NLRP1: variants seen among roughly 807,000 people sequenced by gnomAD.
NLRP1 encodes the protein NLR family pyrin domain containing 1.
NLRP1 carries 94 observed loss-of-function variants against 136.7 expected under a neutral mutation model. The observed-to-expected ratio is 0.69, with a 90% CI of 0.58 to 0.82. The LOEUF is 0.82. Among genes scored for constraint, NLRP1 ranks in the 40% least tolerant of loss-of-function variants. The pLI, the probability that NLRP1 is intolerant of heterozygous loss-of-function variation, is 0.00. For synonymous variants in NLRP1, 690 were observed against 725.1 expected, an observed-to-expected ratio of 0.95 and a Z score of 0.78; for missense variants, 1,575 against 1,802.7, an observed-to-expected ratio of 0.87 and a Z score of 2.29.
At chr17:5,543,044 G>A (rs1383729756) in intron 5 of NLRP1, among the ~76,000 whole-genome samples, 4 of 152,174 alleles carry the variant, frequency 2.6e-5, no homozygotes, top group Non-Finnish European at 5.9e-5. Context: ...TGGCCAGGCT[G>A]GTCTTCAACC....
intron 3 of NLRP1, among the ~76,000 whole-genome samples, chr17:5,572,347 C>T (rs1230003907): frequency 6.6e-6 from 1 of 152,066 alleles, no homozygotes; most frequent in South Asian, 2.1e-4. Context: ...TGCAAACTAC[C>T]CATCTGACAA....
At chr17:5,569,463 G>A (rs1277517415) in intron 3 of NLRP1, among the ~76,000 whole-genome samples, 6 of 152,016 alleles carry the variant, frequency 3.9e-5, no homozygotes, top group Admixed American at 1.3e-4. Flanking sequence ...ACAAAAGCAC[G>A]GATTGCCATT....
Position 5,541,362 on chromosome 17 carries a change from C to CG in NLRP1, c.2699+494dup, listed in dbSNP as rs1030277245. Reference sequence around the variant, plus strand: ...CGCCTCACTTGTTTCTACATGGTGGCGGGGGGGATGGCTCTGTCCCCTCGG... The same window carrying CG: ...CGCCTCACTTGTTTCTACATGGTGGCGGGGGGGGATGGCTCTGTCCCCTCGG... On this transcript the variant is annotated intron_variant, in intron 6 of 16. Transcript: ENST00000572272. The surrounding 1 kb of genome is among the most constrained non-coding windows in gnomAD (Gnocchi z 4.2). Among the ~76,000 whole-genome samples, 4 of 151,956 alleles carry CG rather than the reference C, an allele frequency of 2.6e-5. No individual in the cohort carries two copies. Among genetic ancestry groups the CG allele is most frequent in the East Asian group, 1.9e-4 (1 of 5,168 alleles).
intron 5 of NLRP1, among the ~76,000 whole-genome samples, chr17:5,548,296 CTA>C (rs1434106844): frequency 1.3e-5 from 2 of 152,168 alleles, no homozygotes; most frequent in East Asian, 3.9e-4. Flanking sequence ...AGAGTGAAAC[CTA>C]TGTTCCTACC....
At chr17:5,517,957 T>G in intron 14 of NLRP1, 70 bp from the exon 15 acceptor site, 1 of 1,516,688 alleles carries the variant, frequency 6.6e-7, no homozygotes, top group Admixed American at 1.7e-5. Context: ...ACCTGACACC[T>G]TCTTGGCCCT....
chr17:5,542,048 TG>T, intron 5 of NLRP1, 21 bp from the exon 6 acceptor site: 1 of 1,607,212 alleles, frequency 6.2e-7, no homozygotes, highest in Non-Finnish European at 8.5e-7. Flanking sequence ...CACACACCCA[TG>T]GTCTTCAGGT....
chr17:5,553,338 G>A (rs558466606), intron 5 of NLRP1, 48 bp downstream of exon 5: 2 of 1,529,920 alleles, frequency 1.3e-6, no homozygotes, highest in East Asian at 2.3e-5. Context: ...TTCTGCCTTG[G>A]ATCTCTTCCC....
intron 11 of NLRP1, among the ~76,000 whole-genome samples, chr17:5,531,974 G>A (rs1308450382): frequency 6.6e-6 from 1 of 152,190 alleles, no homozygotes; most frequent in Non-Finnish European, 1.5e-5. Flanking sequence ...CAGGCGCGGT[G>A]GCTCACGCCT....
intron 5 of NLRP1, among the ~76,000 whole-genome samples, chr17:5,552,281 T>C (rs1913471956): frequency 6.6e-6 from 1 of 152,158 alleles, no homozygotes; most frequent in Admixed American, 6.5e-5. Context: ...TGTTTTTAAA[T>C]TTCAGTGTAT....
chr17:5,534,566 A>G (rs1910775697), intron 8 of NLRP1, among the ~76,000 whole-genome samples: 1 of 151,788 alleles, frequency 6.6e-6, no homozygotes, highest in African/African-American at 2.4e-5. Context: ...TCTTCTTTCT[A>G]TTGTCTTCTC....
At chr17:5,553,668 C>T (rs1464637972) in intron 4 of NLRP1, 112 bp from the exon 5 acceptor site, 24 of 930,310 alleles carry the variant, frequency 2.6e-5, no homozygotes, top group Non-Finnish European at 3.1e-5. Context: ...CAGGCCACAG[C>T]GGGTAGTGCC....
At chr17:5,517,963 G>A in intron 14 of NLRP1, 76 bp from the exon 15 acceptor site, 1 of 1,436,118 alleles carries the variant, frequency 7.0e-7, no homozygotes, top group East Asian at 2.3e-5. Flanking sequence ...CACCTTCTTG[G>A]CCCTGCTTGG....
intron 11 of NLRP1, among the ~76,000 whole-genome samples, chr17:5,531,759 T>C (rs903813835): frequency 6.6e-6 from 1 of 152,224 alleles, no homozygotes; most frequent in African/African-American, 2.4e-5. Context: ...GAATTACTAC[T>C]AGTGCGACTG....
In NLRP1 at chr17:5,533,900, A is replaced by T; in HGVS notation, c.3049T>A (p.Ser1017Thr). ...CAGCCTTGCCCCTTCAAACTACCTG[A>T]TCCGAGTCTCTGCCGCTTGAGTGAG... ...TSSLKRQRLG[S>T]ERAASHVAQA... Residue 1017 changes from serine (S) to threonine (T), a missense_variant, in exon 9 of 17, where the codon TCA (serine) becomes ACA (threonine). By Grantham distance (58) the Ser-to-Thr change is moderately conservative. Coordinates refer to ENST00000572272, the MANE Select transcript of NLRP1 (RefSeq NM_033004.4). 2 of 1,607,358 alleles carry T rather than the reference A, an allele frequency of 1.2e-6. No homozygotes were observed. Among genetic ancestry groups the T allele is most frequent in the Non-Finnish European group, 1.7e-6 (2 of 1,175,272 alleles).
chr17:5,517,594 G>C lies in NLRP1; in HGVS notation c.4057+152C>G. ...GTAGAGATGGGGTTTCACCATATTG[G>C]CCAGGCTGGTCTTGAACTCCTGACC... is the stretch of plus-strand genomic sequence containing the variant. On this transcript the variant is annotated intron_variant, in intron 15 of 16. Transcript: ENST00000572272. 5 of 826,700 alleles carry C rather than the reference G, an allele frequency of 6.0e-6. No individual in the cohort carries two copies. In the South Asian group the frequency reaches 8.3e-5, roughly 14 times the overall value. The allele number at this position is 826,700 out of a possible 1,614,324, so 51.2% of individuals were successfully genotyped here.
At position 5,541,895 on chromosome 17, in the gene NLRP1, C is replaced by T; in HGVS notation, c.2661G>A (p.Gln887=). Residue 887 remains glutamine (Q), a synonymous_variant, in exon 6 of 17, where the codon CAG becomes CAA. Coordinates refer to ENST00000572272, the MANE Select transcript of NLRP1 (RefSeq NM_033004.4). This position sits in a 1 kb window ranked among gnomAD's most constrained non-coding sequence, Gnocchi z 4.2. ...LTDAGAKHLC[Q]RLRQPSCKLQ... is the part of the protein sequence containing the mutation. Reference sequence around the variant, plus strand: ...GCTTGCAGCTCGGCTGTCTCAGTCTCTGGCAAAGGTGTTTGGCTCCAGCAT... The same window carrying T: ...GCTTGCAGCTCGGCTGTCTCAGTCTTTGGCAAAGGTGTTTGGCTCCAGCAT... 1.9e-6 allele frequency: 3 copies of T among 1,614,120 alleles called. No homozygotes were observed. The highest frequency in any genetic ancestry group is 2.5e-6 in the Non-Finnish European group (3 of 1,180,036).
intron 6 of NLRP1, among the ~76,000 whole-genome samples, chr17:5,540,060 C>T (rs529576153): frequency 6.6e-5 from 10 of 152,262 alleles, no homozygotes; most frequent in South Asian, 4.1e-4. Flanking sequence ...TTCCATTTTT[C>T]GGAAGTTAAG....
rs149647358 is a variant in NLRP1 at position 5,582,490 on chromosome 17, C to T, written c.448+180G>A. Among the ~76,000 whole-genome samples, 4 of 152,262 alleles carry T rather than the reference C, an allele frequency of 2.6e-5. No homozygotes were observed. In the East Asian group the frequency reaches 5.8e-4, roughly 22 times the overall value. ...ATGGGGAGGGATGCAATCTCAGCAC[C>T]GGAAGGTCCCTGAAAGATCAATTTC... is the stretch of plus-strand genomic sequence containing the variant. On this transcript the variant is annotated intron_variant, in intron 2 of 16. Transcript: ENST00000572272.
At position 5,558,902 on chromosome 17, in the gene NLRP1, C is replaced by T; in HGVS notation, c.1794G>A (p.Gly598=). ...PDDLRKHGLD[G]AIISTFLKMG... is the part of the protein sequence containing the mutation. The stretch of plus-strand genomic sequence containing the variant: ...TCTTCAAGAAGGTGGAGATGATGGC[C>T]CCATCTAACCCATGCTTCCTGAGGT... Residue 598 remains glycine, a synonymous_variant, in exon 4 of 17, where the codon GGG becomes GGA. Coordinates refer to ENST00000572272, the MANE Select transcript of NLRP1 (RefSeq NM_033004.4). 6.2e-7 allele frequency: 1 copy of T among 1,614,086 alleles called. No individual in the cohort carries two copies. The highest frequency in any genetic ancestry group is 8.5e-7 in the Non-Finnish European group (1 of 1,180,000).
Sources: gnomAD v4.1 joint callset for allele counts (sites outside exome capture counted in the v4.1 genomes callset) on GRCh38, gnomAD v4.1.1 for gene constraint, Gnocchi (gnomAD v3.1) non-coding constraint, MANE v1.5 for transcripts, NCBI Gene and HGNC (gene_info 2026-07-23, HGNC 2026-07-21) for gene names.